Variants in TBC1D23 observed in about 807,000 individuals in gnomAD.
TBC1D23 encodes TBC1 domain family member 23, also known as HCV non-structural protein 4A-transactivated protein 1.
Under a neutral mutation model 91.4 loss-of-function variants are expected in TBC1D23, and 55 were observed. The observed-to-expected ratio is 0.60, with a 90% CI of 0.48 to 0.75. TBC1D23 has a LOEUF of 0.75. Ranked by LOEUF, TBC1D23 falls within the 30% of genes least tolerant of loss-of-function variation. The pLI is 0.00. For missense variants in TBC1D23, 725 were observed against 836.1 expected (o/e 0.87, Z 1.64); for synonymous variants, 289 against 281.0 (o/e 1.03, Z -0.28).
At chr3:100,304,697 C>G in intron 11 of TBC1D23, 149 bp from the exon 12 acceptor site, 1 of 615,644 alleles carries the variant, frequency 1.6e-6, no homozygotes, top group Non-Finnish European at 2.9e-6. Flanking sequence ...ATATACCTCT[C>G]TCTGCCAAAG....
chr3:100,289,447 A>G (rs2067771328), intron 4 of TBC1D23, among the ~76,000 whole-genome samples: 1 of 152,186 alleles, frequency 6.6e-6, no homozygotes, highest in Admixed American at 6.5e-5. Flanking sequence ...GAGTTAGAAG[A>G]TAATGCTTCT....
rs562646757 is a variant in TBC1D23 at position 100,290,824 on chromosome 3, C to G, written c.600+123C>G. 5.2e-5 allele frequency: 40 copies of G among 765,120 alleles called. No homozygotes were observed. The African/African-American group carries it at 6.6e-4, about 13-fold the overall frequency. The allele number at this position is 765,120 out of a possible 1,614,324, so 47.4% of individuals were successfully genotyped here. A position where few individuals can be genotyped will look rare whatever the true frequency, so the allele number is the denominator to read the frequency against. ...TAATTATAGATCATTACTGTTTAAA[C>G]CAAAGGGGTAAAATTATTGGCATTT... On this transcript the variant is annotated intron_variant, in intron 5 of 18. Coordinates refer to ENST00000394144, the MANE Select transcript of TBC1D23 (RefSeq NM_001199198.3).
At chr3:100,283,298 C>T (rs1006918749) in intron 3 of TBC1D23, among the ~76,000 whole-genome samples, 6 of 151,660 alleles carry the variant, frequency 4.0e-5, no homozygotes, top group African/African-American at 7.3e-5. Flanking sequence ...CACTTGAAAT[C>T]GGGAGGTGGA....
intron 1 of TBC1D23, among the ~76,000 whole-genome samples, chr3:100,272,918 A>G (rs895503915): frequency 2.0e-5 from 3 of 152,122 alleles, no homozygotes; most frequent in African/African-American, 7.2e-5. Context: ...GGAACATACA[A>G]TCGGTTTTAT....
chr3:100,296,405 A>AT (rs5851199), intron 8 of TBC1D23, 130 bp downstream of exon 8: 6,453 of 469,198 alleles, frequency 0.014, 5 homozygotes, highest in South Asian at 0.021. Flanking sequence ...GTTTTGTGTG[A>AT]TTTTTTTTTT....
At chr3:100,264,233 A>C (rs2067538677) in intron 1 of TBC1D23, among the ~76,000 whole-genome samples, 1 of 152,162 alleles carries the variant, frequency 6.6e-6, no homozygotes, top group Non-Finnish European at 1.5e-5. Context: ...CATACTCCTG[A>C]GTAGCTGGGG....
chr3:100,267,381 A>G (rs932841699), intron 1 of TBC1D23: 2 of 259,242 alleles, frequency 7.7e-6, no homozygotes, highest in African/African-American at 4.6e-5. Context: ...TTTTAACCTG[A>G]GTTAAGAAAA....
At chr3:100,312,446 A>C (rs1026588499) in intron 15 of TBC1D23, among the ~76,000 whole-genome samples, 1 of 152,112 alleles carries the variant, frequency 6.6e-6, no homozygotes, top group African/African-American at 2.4e-5. Context: ...TTGAAAAAAA[A>C]TTACATTTTT....
chr3:100,281,716 A>T, intron 2 of TBC1D23, 26 bp from the exon 3 acceptor site: 1 of 1,411,756 alleles, frequency 7.1e-7, no homozygotes, highest in Non-Finnish European at 1.0e-6. Flanking sequence ...ATATGAAGCT[A>T]GTCACTTTTT....
At chr3:100,288,980 G>A (rs1012058358) in intron 4 of TBC1D23, among the ~76,000 whole-genome samples, 1 of 152,092 alleles carries the variant, frequency 6.6e-6, no homozygotes, top group Non-Finnish European at 1.5e-5. Flanking sequence ...TTGGGAGGCC[G>A]AGGAGGGAGG....
At chr3:100,281,984 A>G (rs2067698961) in intron 3 of TBC1D23, 137 bp downstream of exon 3, 1 of 520,214 alleles carries the variant, frequency 1.9e-6, no homozygotes, top group Non-Finnish European at 3.4e-6. Flanking sequence ...TTTCTTTGGA[A>G]ATTCTTATGA....
intron 10 of TBC1D23, among the ~76,000 whole-genome samples, chr3:100,299,632 C>T (rs1020186609): frequency 1.3e-5 from 2 of 152,168 alleles, no homozygotes; most frequent in African/African-American, 4.8e-5. Flanking sequence ...GCCTCACCCT[C>T]CCTAGTAGGT....
intron 7 of TBC1D23, among the ~76,000 whole-genome samples, chr3:100,295,852 T>G (rs2067834641): frequency 6.6e-6 from 1 of 152,226 alleles, no homozygotes; most frequent in South Asian, 2.1e-4. Context: ...GTTCTTTAAG[T>G]CAGTAACTAT....
At chr3:100,262,616 T>C (rs1039984728) in intron 1 of TBC1D23, among the ~76,000 whole-genome samples, 4 of 138,624 alleles carry the variant, frequency 2.9e-5, no homozygotes, top group Admixed American at 7.8e-5. Flanking sequence ...TCTCAGCTGC[T>C]TGGGAGGCTG....
In TBC1D23 at chr3:100,279,780, A is replaced by C. The variant is rs1354202859; in HGVS notation, c.165+20A>C. 6 of 1,379,012 alleles carry C rather than the reference A, an allele frequency of 4.4e-6. No homozygotes were observed. Among genetic ancestry groups the C allele is most frequent in the Non-Finnish European group, 5.1e-6 (5 of 984,374 alleles). The allele number at this position is 1,379,012 out of a possible 1,614,324, so 85.4% of individuals were successfully genotyped here. A position where few individuals can be genotyped will look rare whatever the true frequency, so the allele number is the denominator to read the frequency against. The stretch of plus-strand genomic sequence containing the variant: ...TGGAAGGTAACTAGAAACTAAAATG[A>C]ATAAAATGTAATCACTGAAGAATAA... On this transcript the variant is annotated intron_variant, in intron 2 of 18. Transcript: ENST00000394144.
intron 16 of TBC1D23, among the ~76,000 whole-genome samples, chr3:100,318,691 C>T (rs1387277552): frequency 6.7e-6 from 1 of 149,348 alleles, no homozygotes; most frequent in Non-Finnish European, 1.5e-5. Context: ...CATTCTGTTG[C>T]CCAAGCTGGA....
intron 16 of TBC1D23, 55 bp from the exon 17 acceptor site, chr3:100,319,014 T>C: frequency 3.4e-6 from 4 of 1,176,016 alleles, no homozygotes; most frequent in Non-Finnish European, 4.8e-6. Flanking sequence ...TGTTAGGGAA[T>C]GTATCATTTT....
chr3:100,296,414 T>C (rs2067840938), intron 8 of TBC1D23, 139 bp downstream of exon 8: 3 of 549,740 alleles, frequency 5.5e-6, no homozygotes, highest in Admixed American at 7.1e-5. Flanking sequence ...GATTTTTTTT[T>C]TTCATCTCTG....
chr3:100,306,290 A>C (rs1012339061), intron 12 of TBC1D23, 147 bp from the exon 13 acceptor site: 8 of 572,196 alleles, frequency 1.4e-5, no homozygotes, highest in Non-Finnish European at 2.5e-5. Context: ...TTACTCCTTT[A>C]CAGACGTGCA....
Sources: gnomAD v4.1 joint callset for allele counts (sites outside exome capture counted in the v4.1 genomes callset) on GRCh38, gnomAD v4.1.1 for gene constraint, MANE v1.5 for transcripts, NCBI Gene and HGNC (gene_info 2026-07-23, HGNC 2026-07-21) for gene names.